The following RAP1GAP2 variants were observed in gnomAD, a reference collection of about 807,000 sequenced individuals.
RAP1GAP2 encodes RAP1 GTPase activating protein 2, also known as rap1 GTPase-activating protein 2.
Under a neutral mutation model 95.0 loss-of-function variants are expected in RAP1GAP2, and 27 were observed. The ratio of observed to expected loss-of-function variants is 0.28; its 90% CI spans 0.21 to 0.39. The LOEUF (loss-of-function observed/expected upper bound fraction) is 0.39. Ranked by LOEUF, RAP1GAP2 falls within the 10% of genes least tolerant of loss-of-function variation. RAP1GAP2 has a pLI of 1.00. For synonymous variants in RAP1GAP2, 373 were observed against 380.9 expected (o/e 0.98, Z 0.24); for missense variants, 771 against 970.0 (o/e 0.79, Z 2.72).
chr17:2,912,305 G>GT (rs149119735), intron 3 of RAP1GAP2, among the ~76,000 whole-genome samples: 2,957 of 152,212 alleles, frequency 0.019, 103 homozygotes, highest in African/African-American at 0.066. Flanking sequence ...GGGGGGTGGT[G>GT]TGTGGGGGCT....
At chr17:2,837,076 C>A (rs951339205) in intron 2 of RAP1GAP2, among the ~76,000 whole-genome samples, 1 of 151,982 alleles carries the variant, frequency 6.6e-6, no homozygotes, top group Non-Finnish European at 1.5e-5. Context: ...CAAGGTGAGA[C>A]CCTGTCACTA....
In RAP1GAP2 at chr17:2,950,900, C is replaced by T. The variant is rs567228257; in HGVS notation, c.166-6859C>T. 5.9e-5 allele frequency among the ~76,000 whole-genome samples: 9 copies of T among 152,244 alleles called. 1 individual carries two copies. In the South Asian group the frequency reaches 1.0e-3, roughly 18 times the overall value. On this transcript the variant is annotated intron_variant, in intron 3 of 24. Coordinates refer to ENST00000254695, the MANE Select transcript of RAP1GAP2 (RefSeq NM_015085.5). ...TGCTGGGATTATAGGCGTGAGCCACCGCGCCCGGCCTGCTTCAATTTTCAG... is the reference window on the plus strand; with the variant it reads ...TGCTGGGATTATAGGCGTGAGCCACTGCGCCCGGCCTGCTTCAATTTTCAG...
rs140661515 is a variant in RAP1GAP2 at position 2,830,363 on chromosome 17, G to C, written c.80+29813G>C. ...CATGAGGCGGAGGTTGCAGTGAGCC[G>C]AGGAGATCGTGCCATTGCACTCCAG... On this transcript the variant is annotated intron_variant, in intron 2 of 24. Coordinates refer to ENST00000254695, the MANE Select transcript of RAP1GAP2 (RefSeq NM_015085.5). Among the ~76,000 whole-genome samples the C allele has an allele frequency of 5.5e-4, 83 of 152,108 alleles. 1 individual carries two copies. The highest frequency in any genetic ancestry group is 1.7e-3 in the South Asian group (8 of 4,814).
At position 2,797,120 on chromosome 17, in the gene RAP1GAP2, G is replaced by A. The variant is rs918577497; in HGVS notation, c.44+549G>A. ...TGCTGTTGTTGTGGCCTTGTGGCAG[G>A]GGAGTCTGTACCTGCTGGACCTCTG... On this transcript the variant is annotated intron_variant, in intron 1 of 24. Transcript: ENST00000254695. This position sits in a 1 kb window ranked among gnomAD's most constrained non-coding sequence, Gnocchi z 5.6. Among the ~76,000 whole-genome samples the A allele has an allele frequency of 6.6e-6, 1 of 152,064 alleles. No individual in the cohort carries two copies. Among genetic ancestry groups the A allele is most frequent in the African/African-American group, 2.4e-5 (1 of 41,388 alleles).
Position 3,033,785 on chromosome 17 carries a change from C to A in RAP1GAP2, c.*424C>A, listed in dbSNP as rs2047399197. 1 of 152,226 alleles carries A rather than the reference C, an allele frequency of 6.6e-6. No homozygotes were observed. The highest frequency in any genetic ancestry group is 1.5e-5 in the Non-Finnish European group (1 of 68,130). 9.4% of individuals were successfully genotyped at this position (152,226 alleles called of 1,614,324 possible). A position where few individuals can be genotyped will look rare whatever the true frequency, so the allele number is the denominator to read the frequency against. ...GCAGAGCCTCGGTGAGGGTCTTGGC[C>A]ACAGGGCAGTGCCTTCCTGAACGTG... On this transcript the variant is annotated 3_prime_UTR_variant, in exon 25 of 25. Coordinates refer to ENST00000254695, the MANE Select transcript of RAP1GAP2 (RefSeq NM_015085.5). This position sits in a 1 kb window ranked among gnomAD's most constrained non-coding sequence, Gnocchi z 4.9.
chr17:2,812,990 C>CAAA (rs748557335), intron 2 of RAP1GAP2, among the ~76,000 whole-genome samples: 1 of 137,044 alleles, frequency 7.3e-6, no homozygotes, highest in Non-Finnish European at 1.6e-5. Context: ...AACTCCGTCT[C>CAAA]AAAAAAAAAA....
chr17:2,795,505 C>T (rs1295695524), upstream of RAP1GAP2, among the ~76,000 whole-genome samples: 1 of 152,184 alleles, frequency 6.6e-6, no homozygotes, highest in Non-Finnish European at 1.5e-5. Flanking sequence ...AAGACAAATC[C>T]ACCCGCACAT....
chr17:2,991,975 A>C (rs2151567186), intron 12 of RAP1GAP2, among the ~76,000 whole-genome samples: 1 of 152,072 alleles, frequency 6.6e-6, no homozygotes, highest in Non-Finnish European at 1.5e-5. Flanking sequence ...CATGTTGCCC[A>C]GGCTGGTCTT....
intron 24 of RAP1GAP2, 50 bp downstream of exon 24, chr17:3,032,499 C>T (rs1044333142): frequency 7.0e-6 from 11 of 1,560,494 alleles, no homozygotes; most frequent in Non-Finnish European, 8.8e-6. Flanking sequence ...ACGTGTGTTT[C>T]TTTTAGATCA....
intron 1 of RAP1GAP2, among the ~76,000 whole-genome samples, chr17:2,758,078 C>G (rs560202446): frequency 6.6e-6 from 1 of 151,176 alleles, no homozygotes; most frequent in East Asian, 1.9e-4. Flanking sequence ...ACCATGTTAG[C>G]CCGGATGGTG....
chr17:2,912,523 C>T (rs2042423292), intron 3 of RAP1GAP2, among the ~76,000 whole-genome samples: 1 of 152,050 alleles, frequency 6.6e-6, no homozygotes, highest in African/African-American at 2.4e-5. Context: ...CCTTTCTGGG[C>T]TGGGGCAGGA....
Position 3,037,372 on chromosome 17 carries a change from C to CCA in RAP1GAP2, c.*4012_*4013insAC, listed in dbSNP as rs1567931918. 4 of 75,882 alleles carry CCA rather than the reference C, an allele frequency of 5.3e-5. No individual in the cohort carries two copies. Among genetic ancestry groups the CCA allele is most frequent in the African/African-American group, 1.3e-4 (4 of 31,428 alleles). 4.7% of individuals were successfully genotyped at this position (75,882 alleles called of 1,614,324 possible). On this transcript the variant is annotated 3_prime_UTR_variant, in exon 25 of 25. Coordinates refer to ENST00000254695, the MANE Select transcript of RAP1GAP2 (RefSeq NM_015085.5). ...GCTTGGAAGTGTGAACTACCCCCCC[C>CCA]CCCCCGCTTCCTGCTCCTTAGCATG...
At chr17:2,788,064 A>G (rs1009404995) in intron 1 of RAP1GAP2, among the ~76,000 whole-genome samples, 1 of 152,212 alleles carries the variant, frequency 6.6e-6, no homozygotes, top group Non-Finnish European at 1.5e-5. Context: ...ATCTGTATAC[A>G]TAGATCTTGT....
In RAP1GAP2 at chr17:3,027,131, T is replaced by TGTTA; in HGVS notation, c.2107+63_2107+66dup. ...GGAGGGCAGGCTGTGCCCTGTCCAC[T>TGTTA]GTTAGCAGGGCCCCAGCCACGCTGA... On this transcript the variant is annotated intron_variant, in intron 22 of 24. Transcript: ENST00000254695. The surrounding 1 kb of genome is among the most constrained non-coding windows in gnomAD (Gnocchi z 5.2). 2.0e-6 allele frequency: 3 copies of TGTTA among 1,503,502 alleles called. No homozygotes were observed. The highest frequency in any genetic ancestry group is 2.7e-6 in the Non-Finnish European group (3 of 1,118,464). 93.1% of individuals were successfully genotyped at this position (1,503,502 alleles called of 1,614,324 possible).
At chr17:2,785,708 G>A (rs2068755601) in intron 1 of RAP1GAP2, among the ~76,000 whole-genome samples, 1 of 152,018 alleles carries the variant, frequency 6.6e-6, no homozygotes, top group African/African-American at 2.4e-5. Flanking sequence ...TTCTTAAGAC[G>A]CGAGTCTGCC....
rs1218487336 is a variant in RAP1GAP2 at position 2,870,119 on chromosome 17, C to CT, written c.81-35150dup. On this transcript the variant is annotated intron_variant, in intron 2 of 24. Transcript: ENST00000254695. This position sits in a 1 kb window ranked among gnomAD's most constrained non-coding sequence, Gnocchi z 4.4. ...GCACTCTGTGCTGCTGCTTGACAAT[C>CT]TTTTTTTTTTTTTTTGGAGATGGAG... is the stretch of plus-strand genomic sequence containing the variant. Among the ~76,000 whole-genome samples, 721 of 141,188 alleles carry CT rather than the reference C, an allele frequency of 5.1e-3. 2 individuals carry two copies. The highest frequency in any genetic ancestry group is 0.013 in the African/African-American group (513 of 38,700). 92.6% of individuals were successfully genotyped at this position (141,188 alleles called of 152,430 possible).
chr17:2,810,733 G>A (rs1245502536), intron 2 of RAP1GAP2, among the ~76,000 whole-genome samples: 3 of 151,976 alleles, frequency 2.0e-5, no homozygotes, highest in East Asian at 1.9e-4. Flanking sequence ...GTTTCACCAC[G>A]TTGGTCAGGC....
intron 1 of RAP1GAP2, among the ~76,000 whole-genome samples, chr17:2,787,858 C>T (rs1368380084): frequency 6.6e-6 from 1 of 152,198 alleles, no homozygotes; most frequent in Non-Finnish European, 1.5e-5. Context: ...TGAGCCACCG[C>T]GCCCAGCCTG....
chr17:3,021,714 C>T (rs578194869), intron 19 of RAP1GAP2, among the ~76,000 whole-genome samples: 5 of 152,318 alleles, frequency 3.3e-5, no homozygotes, highest in South Asian at 4.1e-4. Context: ...GGATTACAGG[C>T]GTGAGCCACC....
Sources: gnomAD v4.1 joint callset for allele counts (sites outside exome capture counted in the v4.1 genomes callset) on GRCh38, gnomAD v4.1.1 for gene constraint, Gnocchi (gnomAD v3.1) non-coding constraint, MANE v1.5 for transcripts, NCBI Gene and HGNC (gene_info 2026-07-23, HGNC 2026-07-21) for gene names.